The following NRXN3 variants were observed in gnomAD, a reference collection of about 807,000 sequenced individuals.
NRXN3 encodes neurexin 3, also known as neurexin III.
NRXN3 carries 32 observed loss-of-function variants against 137.6 expected under a neutral mutation model. That is an observed-to-expected ratio of 0.23 (90% CI 0.18 to 0.31). The LOEUF is 0.31. NRXN3 is among the 10% of genes least tolerant of loss of function. NRXN3 has a pLI of 1.00. For synonymous variants in NRXN3, 798 were observed against 784.5 expected, an observed-to-expected ratio of 1.02 and a Z score of -0.29; for missense variants, 1,574 against 2,062.5, an observed-to-expected ratio of 0.76 and a Z score of 4.59.
In NRXN3 at chr14:78,609,642, A is replaced by G. The variant is rs138363618; in HGVS notation, c.758-35478A>G. On this transcript the variant is annotated intron_variant, in intron 4 of 20. Coordinates refer to ENST00000335750, the MANE Select transcript of NRXN3 (RefSeq NM_001330195.2). ...GCATTCTCATCTGTTGAATGGGGTA[A>G]TAATAATATATGACTCCAGGAGTTC... Among the ~76,000 whole-genome samples, 55 of 152,288 alleles carry G rather than the reference A, an allele frequency of 3.6e-4. 1 individual carries two copies. In the East Asian group the frequency reaches 4.6e-3, roughly 13 times the overall value.
intron 8 of NRXN3, among the ~76,000 whole-genome samples, chr14:78,725,989 A>G (rs2098481444): frequency 6.6e-6 from 1 of 152,166 alleles, no homozygotes; most frequent in African/African-American, 2.4e-5. Flanking sequence ...AGGTCACCCA[A>G]GAATACGTTG....
intron 16 of NRXN3, among the ~76,000 whole-genome samples, chr14:79,526,029 A>G (rs896518702): frequency 5.9e-5 from 9 of 152,096 alleles, no homozygotes; most frequent in Admixed American, 6.5e-5. Flanking sequence ...CCACAGGCAC[A>G]TGCCACCATA....
At chr14:78,422,329 G>A (rs186007032) in intron 4 of NRXN3, among the ~76,000 whole-genome samples, 2 of 152,174 alleles carry the variant, frequency 1.3e-5, no homozygotes, top group African/African-American at 4.8e-5. Flanking sequence ...TGAGGTTATT[G>A]GATGAATGTG....
chr14:78,895,756 G>T (rs1326148823), intron 10 of NRXN3, among the ~76,000 whole-genome samples: 2 of 151,754 alleles, frequency 1.3e-5, no homozygotes, highest in African/African-American at 2.4e-5. Flanking sequence ...GAATACTTAG[G>T]CCTTTGTGGG....
intron 19 of NRXN3, among the ~76,000 whole-genome samples, chr14:79,719,957 C>T (rs1232868530): frequency 6.6e-6 from 1 of 151,982 alleles, no homozygotes; most frequent in African/African-American, 2.4e-5. Flanking sequence ...ATTATTATTG[C>T]TCTTTTGTCC....
At chr14:78,499,355 G>A (rs2153770925) in intron 4 of NRXN3, among the ~76,000 whole-genome samples, 1 of 152,164 alleles carries the variant, frequency 6.6e-6, no homozygotes, top group South Asian at 2.1e-4. Flanking sequence ...TAAACCTAAT[G>A]CAAGATATTC....
chr14:79,314,934 C>A (rs979333005), intron 15 of NRXN3, among the ~76,000 whole-genome samples: 4 of 152,114 alleles, frequency 2.6e-5, no homozygotes, highest in African/African-American at 4.8e-5. Flanking sequence ...TCATCAAAGA[C>A]CAAAAGTAGC....
chr14:78,839,929 T>G (rs1051668389), intron 10 of NRXN3, among the ~76,000 whole-genome samples: 2 of 152,226 alleles, frequency 1.3e-5, no homozygotes, highest in African/African-American at 4.8e-5. Context: ...AGACTAATGT[T>G]TTTATGCTTC....
chr14:78,640,402 C>T (rs2152563879), intron 4 of NRXN3, among the ~76,000 whole-genome samples: 1 of 152,206 alleles, frequency 6.6e-6, no homozygotes, highest in East Asian at 1.9e-4. Flanking sequence ...CCCTTAAAGC[C>T]CAGTTTGGGT....
At chr14:79,670,981 T>C (rs2098604385) in intron 17 of NRXN3, among the ~76,000 whole-genome samples, 1 of 152,110 alleles carries the variant, frequency 6.6e-6, no homozygotes, top group Admixed American at 6.6e-5. Flanking sequence ...ACATGTGCAC[T>C]GAATAAACAC....
Position 78,714,986 on chromosome 14 carries a change from A to C in NRXN3, c.1891A>C (p.Asn631His). 9.3e-6 allele frequency: 15 copies of C among 1,614,206 alleles called. No individual in the cohort carries two copies. The highest frequency in any genetic ancestry group is 1.3e-5 in the Non-Finnish European group (15 of 1,180,042). The change falls in exon 8 of 21, where the codon AAT (asparagine) becomes CAT (histidine). Residue 631 changes from asparagine to histidine, a missense_variant. Physicochemically the swap from Asn to His is moderately conservative, Grantham distance 68. Transcript: ENST00000335750. ...KNIRQLAEMQ[N>H]AAGVKSSCSR... ...CATTCGACAGCTGGCAGAGATGCAG[A>C]ATGCTGCGGGTGTCAAGTCCTCCTG...
chr14:79,724,489 G>A lies in NRXN3; in HGVS notation c.4014+26552G>A, dbSNP rs181146946. On this transcript the variant is annotated intron_variant, in intron 19 of 20. Transcript: ENST00000335750. ...TTGCCTATGTCTGGAAACATTTTTGGTTGTCACAATTGAAAAGGAATGTAT... is the reference window on the plus strand; with the variant it reads ...TTGCCTATGTCTGGAAACATTTTTGATTGTCACAATTGAAAAGGAATGTAT... 1.8e-3 allele frequency among the ~76,000 whole-genome samples: 277 copies of A among 152,126 alleles called. 2 individuals carry two copies. The highest frequency in any genetic ancestry group is 6.5e-3 in the African/African-American group (271 of 41,518).
At chr14:79,543,514 C>G (rs1253844499) in intron 16 of NRXN3, among the ~76,000 whole-genome samples, 1 of 152,116 alleles carries the variant, frequency 6.6e-6, no homozygotes, top group Non-Finnish European at 1.5e-5. Flanking sequence ...GCCAGTGGAC[C>G]ATGTGTGCTC....
intron 4 of NRXN3, among the ~76,000 whole-genome samples, chr14:78,541,190 A>G (rs1390806211): frequency 2.0e-5 from 3 of 151,966 alleles, no homozygotes; most frequent in Admixed American, 1.3e-4. Context: ...GAAGTTCTGG[A>G]TAATATCCTG....
intron 15 of NRXN3, among the ~76,000 whole-genome samples, chr14:79,297,932 C>G (rs2084468336): frequency 6.6e-6 from 1 of 152,028 alleles, no homozygotes; most frequent in Non-Finnish European, 1.5e-5. Flanking sequence ...CATTATGCCC[C>G]TTGGTAGGAG....
intron 2 of NRXN3, among the ~76,000 whole-genome samples, chr14:78,277,442 A>G (rs1263684179): frequency 1.3e-5 from 2 of 152,218 alleles, no homozygotes; most frequent in Non-Finnish European, 2.9e-5. Context: ...ATGATGGACT[A>G]GGTGGTATGC....
At chr14:79,638,592 A>G (rs2098417411) in intron 16 of NRXN3, among the ~76,000 whole-genome samples, 1 of 152,236 alleles carries the variant, frequency 6.6e-6, no homozygotes, top group African/African-American at 2.4e-5. Context: ...ATTCTCAATA[A>G]TGAATTTTGG....
intron 15 of NRXN3, among the ~76,000 whole-genome samples, chr14:79,026,675 T>C (rs2099598493): frequency 6.6e-6 from 1 of 152,038 alleles, no homozygotes; most frequent in South Asian, 2.1e-4. Flanking sequence ...TCTCTGAATG[T>C]TTGTGAAGGT....
At chr14:79,697,050 G>A (rs566487106) in intron 18 of NRXN3, among the ~76,000 whole-genome samples, 20 of 151,958 alleles carry the variant, frequency 1.3e-4, no homozygotes, top group Admixed American at 1.0e-3. Context: ...GAAATGATAC[G>A]TTTGGTGACT....
Sources: allele counts gnomAD v4.1 joint callset (sites outside exome capture counted in the v4.1 genomes callset), GRCh38; gene constraint gnomAD v4.1.1; transcripts MANE v1.5; gene names NCBI Gene and HGNC (gene_info 2026-07-23, HGNC 2026-07-21).